The following FRA10AC1 variants were observed in gnomAD, a reference collection of about 807,000 sequenced individuals.
The protein encoded by FRA10AC1 is FRA10A associated CGG repeat 1.
FRA10AC1 carries 43 observed loss-of-function variants against 56.5 expected under a neutral mutation model. The ratio of observed to expected loss-of-function variants is 0.76; its 90% confidence interval spans 0.60 to 0.98. The LOEUF is 0.98. FRA10AC1 is among the 50% of genes least tolerant of loss of function. FRA10AC1 has a pLI of 0.00. For missense variants in FRA10AC1, 346 were observed against 351.8 expected (o/e 0.98, Z 0.13); for synonymous variants, 112 against 110.5 (o/e 1.01, Z -0.09).
At chr10:93,697,762 T>C (rs2059257199) in intron 4 of FRA10AC1, among the ~76,000 whole-genome samples, 2 of 152,206 alleles carry the variant, frequency 1.3e-5, no homozygotes. Flanking sequence ...ATACAAGTTT[T>C]ATAGAGACCT....
chr10:93,692,903 C>T (rs1293940795), intron 5 of FRA10AC1, among the ~76,000 whole-genome samples, 174 bp from the exon 6 acceptor site: 1 of 151,836 alleles, frequency 6.6e-6, no homozygotes, highest in Non-Finnish European at 1.5e-5. Flanking sequence ...TTTCAAAAGG[C>T]ACTTATAAAA....
At chr10:93,681,454 G>A (rs1418309214) in intron 11 of FRA10AC1, 26 bp downstream of exon 11, 3 of 1,377,578 alleles carry the variant, frequency 2.2e-6, no homozygotes, top group African/African-American at 3.0e-5. Context: ...AATGTGAGTA[G>A]ATGCCTTATC....
chr10:93,673,098 C>A, intron 12 of FRA10AC1: 1 of 269,944 alleles, frequency 3.7e-6, no homozygotes, highest in Non-Finnish European at 7.3e-6. Flanking sequence ...CAATAAGTGC[C>A]AATCCAGTCC....
At chr10:93,680,770 G>A (rs2058920958) in intron 11 of FRA10AC1, among the ~76,000 whole-genome samples, 1 of 152,152 alleles carries the variant, frequency 6.6e-6, no homozygotes, top group Non-Finnish European at 1.5e-5. Context: ...TATGTGCCAA[G>A]TACTATGCAA....
intron 5 of FRA10AC1, among the ~76,000 whole-genome samples, chr10:93,693,655 T>TACAC (rs1188750415): frequency 1.9e-5 from 2 of 105,124 alleles, no homozygotes; most frequent in African/African-American, 5.6e-5. Flanking sequence ...CATATATATA[T>TACAC]ACCATATATA....
chr10:93,686,599 T>C (rs1286026340), intron 8 of FRA10AC1, among the ~76,000 whole-genome samples: 1 of 151,854 alleles, frequency 6.6e-6, no homozygotes, highest in Admixed American at 6.6e-5. Flanking sequence ...TGTTGTTTTA[T>C]GGCATATGCA....
rs1589721210 is a variant in FRA10AC1 at position 93,685,571 on chromosome 10, T to G, written c.512-212A>C. 5 of 387,142 alleles carry G rather than the reference T, an allele frequency of 1.3e-5. No homozygotes were observed. The East Asian group carries it at 2.0e-4, about 15-fold the overall frequency. The allele number at this position is 387,142 out of a possible 1,614,324, so 24.0% of individuals were successfully genotyped here. On this transcript the variant is annotated intron_variant, in intron 8 of 13. Transcript: ENST00000359204. ...AAAAATCAGTCACAGAATTCTTGCT[T>G]GATAGACTGTATTTAGATAGACATT...
intron 10 of FRA10AC1, among the ~76,000 whole-genome samples, chr10:93,683,641 G>A (rs1012890107): frequency 2.6e-5 from 4 of 152,112 alleles, no homozygotes; most frequent in East Asian, 1.9e-4. Context: ...ATGAGCCACC[G>A]CGCCTGTTCT....
At chr10:93,701,705 T>G (rs2059335444) in intron 1 of FRA10AC1, among the ~76,000 whole-genome samples, 1 of 152,148 alleles carries the variant, frequency 6.6e-6, no homozygotes, top group Non-Finnish European at 1.5e-5. Context: ...TTAGGTCAAC[T>G]CCAGCTGTCT....
intron 12 of FRA10AC1, chr10:93,672,115 G>T (rs988928984): frequency 4.6e-6 from 2 of 438,992 alleles, no homozygotes; most frequent in African/African-American, 4.1e-5. Context: ...CACAAATGTG[G>T]CCTGTCAATA....
upstream of FRA10AC1, chr10:93,702,939 C>G (rs2059369169): frequency 2.2e-5 from 10 of 454,972 alleles, no homozygotes; most frequent in Admixed American, 2.4e-4. Context: ...AGCAGCTCAT[C>G]AGCGCTTCAG....
At chr10:93,694,976 G>T in intron 4 of FRA10AC1, 39 bp from the exon 5 acceptor site, 1 of 1,050,566 alleles carries the variant, frequency 9.5e-7, no homozygotes, top group Non-Finnish European at 1.5e-6. Flanking sequence ...TCTCTTAGGA[G>T]CTGTTTGGTG....
At chr10:93,688,988 C>T (rs186918603) in intron 7 of FRA10AC1, among the ~76,000 whole-genome samples, 3 of 151,792 alleles carry the variant, frequency 2.0e-5, no homozygotes, top group Non-Finnish European at 4.4e-5. Flanking sequence ...CTTAAGTTCA[C>T]CGGATTGTTA....
intron 12 of FRA10AC1, chr10:93,675,639 G>C (rs750145001): frequency 2.7e-6 from 1 of 368,322 alleles, no homozygotes; most frequent in Non-Finnish European, 5.8e-6. Flanking sequence ...TGGGAAGCAG[G>C]GGCTGCAGTC....
chr10:93,669,873 T>TAA lies in FRA10AC1; in HGVS notation c.906-6_906-5insTT. The stretch of plus-strand genomic sequence containing the variant: ...TACTCATCAAATTCTTCTTCCCTAT[T>TAA]TAAAAAAAAAAGCATACTTAAGATC... On this transcript the variant is annotated splice_region_variant and splice_polypyrimidine_tract_variant and intron_variant, in intron 13 of 13. Coordinates refer to ENST00000359204, the MANE Select transcript of FRA10AC1 (RefSeq NM_145246.5). 6.5e-7 allele frequency: 1 copy of TAA among 1,538,240 alleles called. No homozygotes were observed. The highest frequency in any genetic ancestry group is 8.9e-7 in the Non-Finnish European group (1 of 1,122,298).
chr10:93,673,644 T>C, intron 12 of FRA10AC1: 1 of 354,806 alleles, frequency 2.8e-6, no homozygotes, highest in Non-Finnish European at 5.5e-6. Context: ...TAACTTTTGA[T>C]TTCATCAATT....
chr10:93,693,597 C>T (rs2059173190), intron 5 of FRA10AC1, among the ~76,000 whole-genome samples: 1 of 137,538 alleles, frequency 7.3e-6, no homozygotes, highest in Non-Finnish European at 1.6e-5. Flanking sequence ...TATATACACA[C>T]CATATATATA....
At chr10:93,689,958 T>C (rs1489545813) in intron 7 of FRA10AC1, among the ~76,000 whole-genome samples, 1 of 152,128 alleles carries the variant, frequency 6.6e-6, no homozygotes, top group African/African-American at 2.4e-5. Context: ...TTCTCTGTCC[T>C]TGCAGCTGGA....
At position 93,698,305 on chromosome 10, in the gene FRA10AC1, C is replaced by G. The variant is rs2059268250; in HGVS notation, c.169G>C (p.Asp57His). The G allele has an allele frequency of 1.9e-6, 3 of 1,603,506 alleles. No individual in the cohort carries two copies. Among genetic ancestry groups the G allele is most frequent in the Non-Finnish European group, 2.6e-6 (3 of 1,171,532 alleles). The change falls in exon 3 of 14, where the codon GAT becomes CAT. Residue 57 changes from aspartate (D) to histidine (H), a missense_variant. Physicochemically the swap from Asp to His is moderately conservative, Grantham distance 81. Transcript: ENST00000359204. ...AHKQVAAELLDREEARNRRFH... is the reference protein window; with the variant it reads ...AHKQVAAELLHREEARNRRFH... ...ATTGACACTGAAATACCATACCTAT[C>G]CAGCAATTCTGCTGCAACTTGTTTA...
Sources: gnomAD v4.1 joint callset for allele counts (sites outside exome capture counted in the v4.1 genomes callset) on GRCh38, gnomAD v4.1.1 for gene constraint, MANE v1.5 for transcripts, NCBI Gene and HGNC (gene_info 2026-07-23, HGNC 2026-07-21) for gene names.